Variants in KCNQ2 observed in about 807,000 individuals in gnomAD.
KCNQ2 encodes the protein potassium voltage-gated channel subfamily KQT member 2.
KCNQ2 carries 14 observed loss-of-function variants against 84.8 expected under a neutral mutation model. That is an observed-to-expected ratio of 0.17 (90% CI 0.11 to 0.26). The LOEUF is 0.26. Ranked by LOEUF, KCNQ2 falls within the 10% of genes least tolerant of loss-of-function variation. KCNQ2 has a pLI of 1.00. For synonymous variants in KCNQ2, 599 were observed against 554.1 expected (o/e 1.08, Z -1.14); for missense variants, 788 against 1,254.0 (o/e 0.63, Z 5.61).
chr20:63,445,502 C>A, intron 2 of KCNQ2, 138 bp from the exon 3 acceptor site: 1 of 399,428 alleles, frequency 2.5e-6, no homozygotes, highest in Non-Finnish European at 4.1e-6. Context: ...TGCAAGCTGA[C>A]CCCCCCACCC....
In KCNQ2 at chr20:63,450,289, C is replaced by T. The variant is rs535707168; in HGVS notation, c.297-3452G>A. ...AGAGGTCACGGCCCAGCACACGTGC[C>T]GGACGAGGGCGGCCGCAGAGGCCCA... On this transcript the variant is annotated intron_variant, in intron 1 of 16. Transcript: ENST00000359125. 2.8e-3 allele frequency among the ~76,000 whole-genome samples: 422 copies of T among 151,438 alleles called. 4 individuals carry two copies. Among genetic ancestry groups the T allele is most frequent in the African/African-American group, 9.8e-3 (404 of 41,250 alleles).
intron 1 of KCNQ2, among the ~76,000 whole-genome samples, chr20:63,463,286 G>A (rs924553250): frequency 4.6e-5 from 7 of 152,174 alleles, no homozygotes; most frequent in South Asian, 4.1e-4. Context: ...AATAGAATAC[G>A]GACATCAGGC....
At chr20:63,452,225 C>T (rs1018837890) in intron 1 of KCNQ2, among the ~76,000 whole-genome samples, 4 of 152,230 alleles carry the variant, frequency 2.6e-5, no homozygotes, top group South Asian at 2.1e-4. Flanking sequence ...GCATCTCTAG[C>T]GTGAGCCCAA....
intron 9 of KCNQ2, 29 bp from the exon 10 acceptor site, chr20:63,428,464 G>A (rs2080698032): frequency 1.3e-6 from 2 of 1,559,020 alleles, no homozygotes; most frequent in Admixed American, 1.9e-5. Context: ...AGGGGAGTGA[G>A]CGTCTCACCC....
intron 4 of KCNQ2, among the ~76,000 whole-genome samples, chr20:63,442,863 T>TCATCACCAC: frequency 5.2e-5 from 1 of 19,312 alleles, no homozygotes; most frequent in African/African-American, 2.9e-4. Context: ...ACCACCACCA[T>TCATCACCAC]CACCATCACC....
At chr20:63,452,052 C>T (rs907163329) in intron 1 of KCNQ2, among the ~76,000 whole-genome samples, 1 of 152,256 alleles carries the variant, frequency 6.6e-6, no homozygotes, top group Non-Finnish European at 1.5e-5. Context: ...GCCCCACCAA[C>T]TGCCCATTCC....
In KCNQ2 at chr20:63,439,693, T is replaced by C. The variant is rs780872303; in HGVS notation, c.832A>G (p.Ile278Val). 6.2e-7 allele frequency: 1 copy of C among 1,613,440 alleles called. No homozygotes were observed. The highest frequency in any genetic ancestry group is 1.1e-5 in the South Asian group (1 of 91,082). The change falls in exon 6 of 17, where the codon ATT becomes GTT. Residue 278 changes from isoleucine to valine, a missense_variant. Ile to Val is a conservative substitution (Grantham distance 29). Around this residue, in one of 8 missense-constraint regions of KCNQ2, gnomAD observed 18 missense variants for 166.0 expected, o/e 0.11. Transcript: ENST00000359125. ...LWWGLITLTT[I>V]GYGDKYPQTW... is the part of the protein sequence containing the mutation. ...TGGGGGTACTTGTCCCCGTAGCCAATGGTGGTCAGCGTGATCTGTGGGACC... is the reference window on the plus strand; with the variant it reads ...TGGGGGTACTTGTCCCCGTAGCCAACGGTGGTCAGCGTGATCTGTGGGACC...
intron 15 of KCNQ2, among the ~76,000 whole-genome samples, chr20:63,412,712 G>A (rs775817347): frequency 6.6e-6 from 1 of 152,192 alleles, no homozygotes; most frequent in Non-Finnish European, 1.5e-5. Context: ...GCCCAGCCTC[G>A]CTTCCAGGGC....
intron 10 of KCNQ2, among the ~76,000 whole-genome samples, chr20:63,428,073 G>A (rs904647672): frequency 1.4e-4 from 21 of 152,304 alleles, no homozygotes; most frequent in Admixed American, 9.1e-4. Flanking sequence ...TTTGTCGTAC[G>A]ACCCACGCGC....
In KCNQ2 at chr20:63,410,111, G is replaced by A. The variant is rs187027743; in HGVS notation, c.1764-1575C>T. On this transcript the variant is annotated intron_variant, in intron 15 of 16. Transcript: ENST00000359125. ...CTGGACTCATGCAATAGGGCCAGGA[G>A]GGCGGGAGGGGACGGCGGGAGGGGA... The A allele has an allele frequency of 2.3e-4, 45 of 198,450 alleles. No homozygotes were observed. The Admixed American group carries it at 2.3e-3, about 10-fold the overall frequency. The allele number at this position is 198,450 out of a possible 1,614,324, so 12.3% of individuals were successfully genotyped here.
Position 63,400,728 on chromosome 20 carries a change from C to A in KCNQ2, c.*5916G>T, listed in dbSNP as rs1382448969. ...GCGGGCATGGCGGGCACACGTGGGC[C>A]GTGTGGATCCCGGGCAGAGGGATGG... On this transcript the variant is annotated 3_prime_UTR_variant, in exon 17 of 17. Coordinates refer to ENST00000359125, the MANE Select transcript of KCNQ2 (RefSeq NM_172107.4). The surrounding 1 kb of genome is among the most constrained non-coding windows in gnomAD (Gnocchi z 8.7). 2 of 398,388 alleles carry A rather than the reference C, an allele frequency of 5.0e-6. 1 individual carries two copies. Among genetic ancestry groups the A allele is most frequent in the Admixed American group, 8.8e-5 (2 of 22,716 alleles). 24.7% of individuals were successfully genotyped at this position (398,388 alleles called of 1,614,324 possible). A position where few individuals can be genotyped will look rare whatever the true frequency, so the allele number is the denominator to read the frequency against.
chr20:63,455,926 C>G lies in KCNQ2; in HGVS notation c.297-9089G>C, dbSNP rs1354785178. Among the ~76,000 whole-genome samples, 40 of 106,808 alleles carry G rather than the reference C, an allele frequency of 3.7e-4. 1 individual carries two copies. Among genetic ancestry groups the G allele is most frequent in the Non-Finnish European group, 5.5e-4 (30 of 54,556 alleles). The allele number at this position is 106,808 out of a possible 152,430, so 70.1% of individuals were successfully genotyped here. ...GGCCCCCCACCTCCGGGAGGCCCCT[C>G]TGCTCACGGGCCCCCCACCTCCGGG... On this transcript the variant is annotated intron_variant, in intron 1 of 16. Coordinates refer to ENST00000359125, the MANE Select transcript of KCNQ2 (RefSeq NM_172107.4).
chr20:63,453,019 G>T (rs1307946739), intron 1 of KCNQ2, among the ~76,000 whole-genome samples: 2 of 152,202 alleles, frequency 1.3e-5, no homozygotes, highest in African/African-American at 4.8e-5. Flanking sequence ...TGTGGAGGCC[G>T]GGTGGGTCCA....
At position 63,446,534 on chromosome 20, in the gene KCNQ2, A is replaced by G. The variant is rs1265974833; in HGVS notation, c.387+213T>C. 2.0e-5 allele frequency among the ~76,000 whole-genome samples: 3 copies of G among 151,726 alleles called. No individual in the cohort carries two copies. The highest frequency in any genetic ancestry group is 6.6e-5 in the Admixed American group (1 of 15,248). On this transcript the variant is annotated intron_variant, in intron 2 of 16. Transcript: ENST00000359125. The surrounding 1 kb of genome is among the most constrained non-coding windows in gnomAD (Gnocchi z 5.5). ...CACTGTGAGGTCACCAGGAGGGGTG[A>G]GGTGAGGGCTGAGTTACAGCCAGGG... is the stretch of plus-strand genomic sequence containing the variant.
At chr20:63,455,632 G>C (rs1268661970) in intron 1 of KCNQ2, among the ~76,000 whole-genome samples, 1 of 152,188 alleles carries the variant, frequency 6.6e-6, no homozygotes, top group African/African-American at 2.4e-5. Flanking sequence ...GGGTCACCAG[G>C]CCAGAGGGGT....
chr20:63,403,203 C>T lies in KCNQ2; in HGVS notation c.*3441G>A, dbSNP rs1352592133. 6.6e-6 allele frequency: 1 copy of T among 152,282 alleles called. No homozygotes were observed. The highest frequency in any genetic ancestry group is 1.9e-4 in the East Asian group (1 of 5,200). 9.4% of individuals were successfully genotyped at this position (152,282 alleles called of 1,614,324 possible). A position where few individuals can be genotyped will look rare whatever the true frequency, so the allele number is the denominator to read the frequency against. ...GACCCTGATTGGGCTCTGCCTGGCG[C>T]TCTGCCACTGCGGACCAGGAGCCCG... On this transcript the variant is annotated 3_prime_UTR_variant, in exon 17 of 17. Transcript: ENST00000359125.
At chr20:63,456,624 T>C (rs2081806095) in intron 1 of KCNQ2, among the ~76,000 whole-genome samples, 1 of 152,094 alleles carries the variant, frequency 6.6e-6, no homozygotes, top group Admixed American at 6.5e-5. Context: ...CGGGCTAAGC[T>C]TCTCAGCACA....
At chr20:63,432,643 C>T (rs188617093) in intron 8 of KCNQ2, among the ~76,000 whole-genome samples, 2 of 149,404 alleles carry the variant, frequency 1.3e-5, no homozygotes, top group East Asian at 4.1e-4. Flanking sequence ...GAAGGCCCCA[C>T]CCTCAGGGAA....
At chr20:63,455,964 T>C (rs111768696) in intron 1 of KCNQ2, among the ~76,000 whole-genome samples, 4 of 68,918 alleles carry the variant, frequency 5.8e-5, no homozygotes, top group African/African-American at 1.7e-4. Context: ...GCCCCTCTGC[T>C]CACGGGCCCC....
Sources: gnomAD v4.1 joint callset for allele counts (sites outside exome capture counted in the v4.1 genomes callset) on GRCh38, gnomAD v4.1.1 for gene constraint, gnomAD v4.1.1 regional missense constraint, Gnocchi (gnomAD v3.1) non-coding constraint, MANE v1.5 for transcripts, NCBI Gene and HGNC (gene_info 2026-07-23, HGNC 2026-07-21) for gene names.